Variants in CCDC3 observed in about 807,000 individuals in gnomAD.
CCDC3 encodes the protein coiled-coil domain containing 3.
CCDC3 carries 24 observed loss-of-function variants against 21.4 expected under a neutral mutation model. That is an observed-to-expected ratio of 1.12 (90% CI 0.81 to 1.58). The LOEUF (loss-of-function observed/expected upper bound fraction) is 1.58. CCDC3 is among the 40% of genes most tolerant of loss of function. The probability of loss-of-function intolerance (pLI) is 0.00; values close to 1 mark genes in which losing one functional copy is unlikely to be tolerated. For synonymous variants in CCDC3, 186 were observed against 166.0 expected (o/e 1.12, Z -0.93); for missense variants, 425 against 360.9 (o/e 1.18, Z -1.44).
chr10:12,957,967 C>T (rs1835119023), intron 2 of CCDC3, among the ~76,000 whole-genome samples: 1 of 151,894 alleles, frequency 6.6e-6, no homozygotes, highest in Non-Finnish European at 1.5e-5. Context: ...ATAGGTGGAA[C>T]TACAGGCTCA....
At chr10:12,988,707 C>G (rs1835636050) in intron 2 of CCDC3, among the ~76,000 whole-genome samples, 1 of 152,172 alleles carries the variant, frequency 6.6e-6, no homozygotes, top group African/African-American at 2.4e-5. Context: ...TGGACTGATA[C>G]ATTCATTGAT....
chr10:13,090,074 T>C (rs761431159), intron 3 of CCDC3, among the ~76,000 whole-genome samples: 1 of 138,738 alleles, frequency 7.2e-6, no homozygotes, highest in African/African-American at 2.7e-5. Context: ...TATATATATA[T>C]ATATCACCGT....
chr10:13,017,791 G>A (rs188822925), intron 5 of CCDC3, among the ~76,000 whole-genome samples: 1 of 152,168 alleles, frequency 6.6e-6, no homozygotes, highest in African/African-American at 2.4e-5. Flanking sequence ...ATCCCATTGG[G>A]GTTGACATCC....
intron 5 of CCDC3, among the ~76,000 whole-genome samples, chr10:13,030,524 C>T (rs1233082821): frequency 7.4e-4 from 113 of 152,254 alleles, no homozygotes; most frequent in African/African-American, 2.6e-3. Context: ...GCTAAATGCT[C>T]CAATTAAAAG....
intron 1 of CCDC3, among the ~76,000 whole-genome samples, chr10:12,999,892 T>C (rs1835819963): frequency 6.6e-6 from 1 of 152,240 alleles, no homozygotes; most frequent in Non-Finnish European, 1.5e-5. Context: ...TCTCTCAGTC[T>C]CACTGGCTTT....
chr10:12,928,435 T>A (rs1424787475), intron 2 of CCDC3, among the ~76,000 whole-genome samples: 4 of 152,196 alleles, frequency 2.6e-5, no homozygotes, highest in African/African-American at 9.7e-5. Context: ...TTACAATACT[T>A]AACATCCTCA....
At chr10:13,042,726 G>A (rs573704087) in intron 5 of CCDC3, among the ~76,000 whole-genome samples, 3 of 151,800 alleles carry the variant, frequency 2.0e-5, no homozygotes, top group East Asian at 1.9e-4. Flanking sequence ...GGCTAACATG[G>A]TGAAACCCTG....
intron 3 of CCDC3, among the ~76,000 whole-genome samples, chr10:13,092,601 C>T (rs965868199): frequency 4.6e-5 from 7 of 152,296 alleles, no homozygotes; most frequent in Middle Eastern, 6.8e-3. Flanking sequence ...GAGTAACCCC[C>T]GTGTGACCTA....
At chr10:13,015,922 G>A (rs1016867730) in intron 5 of CCDC3, among the ~76,000 whole-genome samples, 1 of 151,950 alleles carries the variant, frequency 6.6e-6, no homozygotes, top group Admixed American at 6.6e-5. Flanking sequence ...TAATTGAATT[G>A]TTCATTTAAG....
intron 2 of CCDC3, among the ~76,000 whole-genome samples, chr10:12,995,565 C>T (rs934217449): frequency 6.6e-6 from 1 of 152,182 alleles, no homozygotes; most frequent in Non-Finnish European, 1.5e-5. Flanking sequence ...TTTTATGTAG[C>T]TTTGATGTGG....
At chr10:12,915,714 T>C (rs1834342938) in intron 2 of CCDC3, among the ~76,000 whole-genome samples, 1 of 152,322 alleles carries the variant, frequency 6.6e-6, no homozygotes, top group Admixed American at 6.5e-5. Flanking sequence ...TAGGCTGGCC[T>C]GGTGCCTGGA....
chr10:12,999,257 T>C (rs962716203), intron 1 of CCDC3, among the ~76,000 whole-genome samples: 3 of 151,994 alleles, frequency 2.0e-5, no homozygotes, highest in South Asian at 2.1e-4. Context: ...AGAACATATA[T>C]AAGTAAAAAA....
At chr10:13,091,860 T>TC (rs5783306) in intron 3 of CCDC3, among the ~76,000 whole-genome samples, 144,181 of 150,644 alleles carry the variant, frequency 0.96, 69,316 homozygotes, top group East Asian at 1. Flanking sequence ...TGCTGGCAGA[T>TC]CCTGAAATCC....
At chr10:12,913,652 T>C (rs1344338744) in intron 2 of CCDC3, among the ~76,000 whole-genome samples, 1 of 152,274 alleles carries the variant, frequency 6.6e-6, no homozygotes, top group African/African-American at 2.4e-5. Context: ...CATCTTTGTC[T>C]TATTCCTGAT....
intron 2 of CCDC3, among the ~76,000 whole-genome samples, chr10:12,922,611 CACTT>C (rs889982527): frequency 1.3e-5 from 2 of 152,150 alleles, no homozygotes; most frequent in African/African-American, 4.8e-5. Flanking sequence ...CACCCTTCCT[CACTT>C]CCTTCCTTCC....
At chr10:12,937,866 C>T (rs10906259) in intron 2 of CCDC3, among the ~76,000 whole-genome samples, 11,421 of 152,154 alleles carry the variant, frequency 0.075, 600 homozygotes, top group Non-Finnish European at 0.11. Context: ...TATTTGGCAC[C>T]CCATGGAAAC....
chr10:12,980,368 T>C (rs763661231), intron 2 of CCDC3, among the ~76,000 whole-genome samples: 13 of 152,064 alleles, frequency 8.5e-5, no homozygotes, highest in Non-Finnish European at 1.8e-4. Context: ...CAGGAGGAGA[T>C]CCTCTCCAGC....
intron 2 of CCDC3, among the ~76,000 whole-genome samples, chr10:12,997,842 T>A (rs1465374662): frequency 1.3e-5 from 2 of 152,194 alleles, no homozygotes; most frequent in Non-Finnish European, 2.9e-5. Context: ...GGGTGTCCAA[T>A]CTTTTGGGCC....
At chr10:12,999,133 A>G (rs1835809137) in intron 1 of CCDC3, among the ~76,000 whole-genome samples, 1 of 152,168 alleles carries the variant, frequency 6.6e-6, no homozygotes, top group Non-Finnish European at 1.5e-5. Context: ...CCAGTTACTC[A>G]GAAGGCTGAG....
Sources: allele counts gnomAD v4.1 joint callset (sites outside exome capture counted in the v4.1 genomes callset), GRCh38; gene constraint gnomAD v4.1.1; transcripts MANE v1.5; gene names NCBI Gene and HGNC (gene_info 2026-07-23, HGNC 2026-07-21).